The following RABGAP1L variants were observed in gnomAD, a reference collection of about 807,000 sequenced individuals.
RABGAP1L encodes the protein RAB GTPase activating protein 1 like, also known as rab GTPase-activating protein 1-like.
In RABGAP1L, 63 loss-of-function variants were observed where a neutral mutation model predicts 137.7. The observed-to-expected ratio is 0.46, with a 90% CI of 0.37 to 0.56. RABGAP1L has a LOEUF of 0.56. Among genes scored for constraint, RABGAP1L ranks in the 20% least tolerant of loss-of-function variants. The pLI is 0.00. For synonymous variants in RABGAP1L, 431 were observed against 433.7 expected (o/e 0.99, Z 0.08); for missense variants, 1,095 against 1,244.0 (o/e 0.88, Z 1.80).
chr1:174,602,699 T>C (rs1011683675), intron 13 of RABGAP1L, among the ~76,000 whole-genome samples: 10 of 152,202 alleles, frequency 6.6e-5, no homozygotes, highest in Admixed American at 5.9e-4. Context: ...TCTAATTCTT[T>C]CTTCTTCTTG....
chr1:174,590,190 G>A lies in RABGAP1L; in HGVS notation c.1711-47185G>A, dbSNP rs1572423703. The stretch of plus-strand genomic sequence containing the variant: ...ACTTCTTTTATTTATAAATTACCAT[G>A]TCTCAGGTGTTCCTTTACAGCAATT... On this transcript the variant is annotated intron_variant, in intron 13 of 25. Transcript: ENST00000681986. 5.1e-5 allele frequency among the ~76,000 whole-genome samples: 5 copies of A among 98,854 alleles called. No homozygotes were observed. The South Asian group carries it at 1.6e-3, about 32-fold the overall frequency. The allele number at this position is 98,854 out of a possible 152,430, so 64.9% of individuals were successfully genotyped here. A position where few individuals can be genotyped will look rare whatever the true frequency, so the allele number is the denominator to read the frequency against.
chr1:174,870,053 G>T (rs1212366928), intron 19 of RABGAP1L, among the ~76,000 whole-genome samples: 1 of 152,160 alleles, frequency 6.6e-6, no homozygotes, highest in African/African-American at 2.4e-5. Flanking sequence ...ATCAAACCAG[G>T]TTATTCTAAA....
rs150903320 is a variant in RABGAP1L at position 174,599,934 on chromosome 1, C to T, written c.1711-37441C>T. 3.2e-4 allele frequency among the ~76,000 whole-genome samples: 49 copies of T among 152,232 alleles called. 1 individual carries two copies. In the East Asian group the frequency reaches 8.5e-3, roughly 26 times the overall value. On this transcript the variant is annotated intron_variant, in intron 13 of 25. Transcript: ENST00000681986. ...ATGCTGTCTACCCTGGTCTACCTCT[C>T]ACTACCTCCTCTTTAAGGCCCCATG...
chr1:174,680,423 C>T (rs868583753), intron 14 of RABGAP1L, among the ~76,000 whole-genome samples: 29 of 152,200 alleles, frequency 1.9e-4, no homozygotes, highest in African/African-American at 6.5e-4. Flanking sequence ...CCTCATCAGA[C>T]TGAATTGGTT....
At chr1:174,890,168 G>A (rs1655885616) in intron 19 of RABGAP1L, among the ~76,000 whole-genome samples, 1 of 152,210 alleles carries the variant, frequency 6.6e-6, no homozygotes, top group Non-Finnish European at 1.5e-5. Context: ...TAAGCTTTGA[G>A]ACATCGTCAA....
At chr1:174,416,941 T>C (rs2149149427) in intron 13 of RABGAP1L, among the ~76,000 whole-genome samples, 1 of 152,284 alleles carries the variant, frequency 6.6e-6, no homozygotes, top group South Asian at 2.1e-4. Context: ...AATTTTATAA[T>C]TGTTCTTGAT....
intron 19 of RABGAP1L, among the ~76,000 whole-genome samples, chr1:174,951,852 C>A (rs750353151): frequency 6.6e-6 from 1 of 152,156 alleles, no homozygotes; most frequent in Non-Finnish European, 1.5e-5. Flanking sequence ...AATATCTTAC[C>A]TTGAGAAACA....
intron 19 of RABGAP1L, among the ~76,000 whole-genome samples, chr1:174,956,192 A>G (rs1326973694): frequency 6.6e-6 from 1 of 152,126 alleles, no homozygotes; most frequent in Non-Finnish European, 1.5e-5. Flanking sequence ...ACTGAGGCTA[A>G]GAGAGTTTTT....
intron 13 of RABGAP1L, among the ~76,000 whole-genome samples, chr1:174,471,587 TC>T (rs1190204781): frequency 6.6e-6 from 1 of 152,224 alleles, no homozygotes; most frequent in Admixed American, 6.5e-5. Context: ...TTTTTCACCT[TC>T]AAGCAAACCA....
intron 21 of RABGAP1L, among the ~76,000 whole-genome samples, chr1:174,974,672 C>G (rs531689533): frequency 6.6e-6 from 1 of 152,172 alleles, no homozygotes; most frequent in African/African-American, 2.4e-5. Context: ...AACTACCCAA[C>G]GGTTTCAAAT....
At chr1:174,416,019 C>CATATATATATAT (rs143285036) in intron 13 of RABGAP1L, among the ~76,000 whole-genome samples, 1,866 of 129,032 alleles carry the variant, frequency 0.014, 174 homozygotes, top group African/African-American at 0.065. Context: ...AGAAAATTTA[C>CATATATATATAT]ATATATATAT....
At chr1:174,433,822 G>C (rs1041397502) in intron 13 of RABGAP1L, among the ~76,000 whole-genome samples, 1 of 151,976 alleles carries the variant, frequency 6.6e-6, no homozygotes, top group Non-Finnish European at 1.5e-5. Flanking sequence ...TAATTTCCTG[G>C]CAATGCCTTA....
At chr1:174,349,735 G>C (rs1682896161) in intron 11 of RABGAP1L, among the ~76,000 whole-genome samples, 1 of 135,788 alleles carries the variant, frequency 7.4e-6, no homozygotes, top group South Asian at 2.5e-4. Flanking sequence ...GCGGGGGGCT[G>C]ACCCCCCCAC....
At chr1:174,694,894 A>G (rs1679136040) in intron 15 of RABGAP1L, among the ~76,000 whole-genome samples, 2 of 151,568 alleles carry the variant, frequency 1.3e-5, no homozygotes, top group South Asian at 2.1e-4. Context: ...TTGCCATTCT[A>G]ACTGGTGTGA....
intron 18 of RABGAP1L, among the ~76,000 whole-genome samples, chr1:174,785,757 T>C (rs530904254): frequency 6.6e-6 from 1 of 152,226 alleles, no homozygotes; most frequent in African/African-American, 2.4e-5. Context: ...TCCACCGTTA[T>C]GTGCAGACCA....
intron 19 of RABGAP1L, among the ~76,000 whole-genome samples, chr1:174,843,392 A>C (rs1478022741): frequency 2.7e-5 from 4 of 149,248 alleles, no homozygotes; most frequent in Admixed American, 6.7e-5. Context: ...CCCACCCCAC[A>C]ACAGTCCCCA....
intron 11 of RABGAP1L, among the ~76,000 whole-genome samples, chr1:174,336,930 TTAAAG>T (rs927561320): frequency 1.5e-4 from 22 of 151,380 alleles, no homozygotes; most frequent in Admixed American, 7.9e-4. Flanking sequence ...AGGAAGGACT[TTAAAG>T]TATTGTTGTA....
intron 4 of RABGAP1L, among the ~76,000 whole-genome samples, chr1:174,238,015 T>C (rs906585523): frequency 4.6e-5 from 7 of 151,960 alleles, no homozygotes; most frequent in African/African-American, 1.7e-4. Context: ...CTTCATTTCA[T>C]TCATTTCATC....
At chr1:174,332,792 TAA>T (rs768911077) in intron 11 of RABGAP1L, among the ~76,000 whole-genome samples, 2 of 151,030 alleles carry the variant, frequency 1.3e-5, no homozygotes, top group African/African-American at 4.9e-5. Flanking sequence ...TTATAAAAGT[TAA>T]AAAAAAACTG....
Sources: allele counts gnomAD v4.1 joint callset (sites outside exome capture counted in the v4.1 genomes callset), GRCh38; gene constraint gnomAD v4.1.1; transcripts MANE v1.5; gene names NCBI Gene and HGNC (gene_info 2026-07-23, HGNC 2026-07-21).